Variants in MYO1B observed in about 807,000 individuals in gnomAD.
MYO1B encodes the protein myosin IB.
In MYO1B, 72 loss-of-function variants were observed where a neutral mutation model predicts 159.7. The observed-to-expected ratio is 0.45, with a 90% CI of 0.37 to 0.55. The LOEUF is 0.55. MYO1B is among the 20% of genes least tolerant of loss of function. The pLI, the probability that MYO1B is intolerant of heterozygous loss-of-function variation, is 0.00. For missense variants in MYO1B, 1,062 were observed against 1,364.8 expected (o/e 0.78, Z 3.50); for synonymous variants, 468 against 473.8 (o/e 0.99, Z 0.16).
chr2:191,311,695 C>G (rs985240770), intron 3 of MYO1B, among the ~76,000 whole-genome samples: 1 of 152,162 alleles, frequency 6.6e-6, no homozygotes, highest in African/African-American at 2.4e-5. Flanking sequence ...ATGGCAGACT[C>G]TCATCTAAGG....
intron 3 of MYO1B, among the ~76,000 whole-genome samples, chr2:191,317,373 T>A (rs1412948688): frequency 1.3e-5 from 2 of 152,214 alleles, no homozygotes; most frequent in Non-Finnish European, 2.9e-5. Context: ...AGCAGCATAT[T>A]CTCATTAGCC....
chr2:191,370,509 G>C (rs545042650), intron 13 of MYO1B, among the ~76,000 whole-genome samples: 12 of 152,146 alleles, frequency 7.9e-5, no homozygotes, highest in Non-Finnish European at 1.8e-4. Context: ...CTGAGTGTGT[G>C]TGTGTGTGTG....
intron 6 of MYO1B, among the ~76,000 whole-genome samples, chr2:191,349,653 A>G (rs1265237311): frequency 2.0e-5 from 3 of 152,240 alleles, no homozygotes; most frequent in African/African-American, 7.2e-5. Context: ...AATAATGACC[A>G]GTGTGATTCT....
intron 14 of MYO1B, among the ~76,000 whole-genome samples, chr2:191,382,046 A>T (rs1262247921): frequency 6.6e-6 from 1 of 152,184 alleles, no homozygotes; most frequent in African/African-American, 2.4e-5. Flanking sequence ...ATATAATCTT[A>T]AAATAACCAG....
chr2:191,339,709 T>G (rs1692089418), intron 4 of MYO1B, among the ~76,000 whole-genome samples: 1 of 152,196 alleles, frequency 6.6e-6, no homozygotes, highest in African/African-American at 2.4e-5. Context: ...TCCATGAGAT[T>G]GTTTACTTCC....
intron 13 of MYO1B, among the ~76,000 whole-genome samples, chr2:191,380,015 CTCT>C (rs1459831099): frequency 6.6e-6 from 1 of 152,138 alleles, no homozygotes; most frequent in East Asian, 1.9e-4. Flanking sequence ...TTTAGTAAGA[CTCT>C]TCAAGACATA....
intron 1 of MYO1B, among the ~76,000 whole-genome samples, chr2:191,252,719 G>C (rs934778053): frequency 1.3e-5 from 2 of 152,170 alleles, no homozygotes; most frequent in African/African-American, 4.8e-5. Context: ...CTCTTGCTTA[G>C]TTTTCTTTCT....
At chr2:191,293,549 G>A (rs572720797) in intron 2 of MYO1B, among the ~76,000 whole-genome samples, 107 of 152,310 alleles carry the variant, frequency 7.0e-4, no homozygotes, top group African/African-American at 2.4e-3. Flanking sequence ...ATAAGGAGTG[G>A]ATTATTCATG....
chr2:191,340,553 C>T (rs1692152098), intron 4 of MYO1B, among the ~76,000 whole-genome samples: 1 of 152,128 alleles, frequency 6.6e-6, no homozygotes, highest in Admixed American at 6.5e-5. Flanking sequence ...CTCATGTGGC[C>T]TATTCTTTAG....
chr2:191,258,056 A>G (rs909205375), intron 1 of MYO1B, among the ~76,000 whole-genome samples: 3 of 152,204 alleles, frequency 2.0e-5, no homozygotes, highest in African/African-American at 2.4e-5. Context: ...ATTAGAACCA[A>G]TATATGTATC....
chr2:191,319,366 T>G (rs1019157839), intron 3 of MYO1B, among the ~76,000 whole-genome samples: 1 of 152,150 alleles, frequency 6.6e-6, no homozygotes, highest in African/African-American at 2.4e-5. Flanking sequence ...GAGAAAGCTG[T>G]CAGTCACTCT....
At chr2:191,261,713 C>T (rs753826994) in intron 1 of MYO1B, among the ~76,000 whole-genome samples, 10 of 152,088 alleles carry the variant, frequency 6.6e-5, no homozygotes, top group Admixed American at 1.3e-4. Context: ...TGAGGTCTAC[C>T]GCACTTCACT....
At chr2:191,418,950 C>T (rs1436790129) in intron 30 of MYO1B, among the ~76,000 whole-genome samples, 1 of 152,188 alleles carries the variant, frequency 6.6e-6, no homozygotes, top group Admixed American at 6.5e-5. Context: ...CAGTTATGCA[C>T]CACATAATGA....
chr2:191,296,059 A>G, intron 2 of MYO1B, 52 bp from the exon 3 acceptor site: 3 of 1,082,514 alleles, frequency 2.8e-6, no homozygotes, highest in South Asian at 1.7e-5. Flanking sequence ...TAAGACGTTA[A>G]AATACATTTT....
At chr2:191,251,510 A>G (rs1686115471) in intron 1 of MYO1B, among the ~76,000 whole-genome samples, 1 of 152,230 alleles carries the variant, frequency 6.6e-6, no homozygotes, top group Non-Finnish European at 1.5e-5. Context: ...TTGATAGCTT[A>G]AGAGAGGCTT....
chr2:191,364,008 T>C (rs765244518), intron 10 of MYO1B, 133 bp downstream of exon 10: 15 of 1,286,124 alleles, frequency 1.2e-5, no homozygotes, highest in Non-Finnish European at 1.6e-5. Flanking sequence ...TGAGCAGAAA[T>C]AGAACTGTGG....
At chr2:191,257,061 G>A (rs1559120328) in intron 1 of MYO1B, among the ~76,000 whole-genome samples, 1 of 151,852 alleles carries the variant, frequency 6.6e-6, no homozygotes, top group South Asian at 2.1e-4. Flanking sequence ...CCCCTTGAAA[G>A]TCTCTCCTTT....
At chr2:191,298,748 C>T (rs1234526186) in intron 3 of MYO1B, among the ~76,000 whole-genome samples, 1 of 152,134 alleles carries the variant, frequency 6.6e-6, no homozygotes, top group Admixed American at 6.5e-5. Context: ...TTTTATAACT[C>T]ATTTCATTCT....
intron 2 of MYO1B, among the ~76,000 whole-genome samples, chr2:191,285,222 C>A (rs1010125349): frequency 2.0e-5 from 3 of 152,128 alleles, no homozygotes; most frequent in Non-Finnish European, 4.4e-5. Flanking sequence ...TTTGTCTCAA[C>A]GAAGATATGG....
Sources: allele counts gnomAD v4.1 joint callset (sites outside exome capture counted in the v4.1 genomes callset), GRCh38; gene constraint gnomAD v4.1.1; transcripts MANE v1.5; gene names NCBI Gene and HGNC (gene_info 2026-07-23, HGNC 2026-07-21).